The following ZSCAN25 variants were observed in gnomAD, a reference collection of about 807,000 sequenced individuals.
ZSCAN25 encodes the protein zinc finger and SCAN domain-containing protein 25.
Under a neutral mutation model 38.7 loss-of-function variants are expected in ZSCAN25, and 27 were observed. The observed-to-expected ratio is 0.70, with a 90% CI of 0.51 to 0.96. The LOEUF (loss-of-function observed/expected upper bound fraction) is 0.96, where lower values mean the gene tolerates loss of function less well. Ranked by LOEUF, ZSCAN25 falls within the 40% of genes least tolerant of loss-of-function variation. ZSCAN25 has a pLI of 0.00. For missense variants in ZSCAN25, 637 were observed against 705.9 expected, an observed-to-expected ratio of 0.90 and a Z score of 1.11; for synonymous variants, 273 against 277.7, an observed-to-expected ratio of 0.98 and a Z score of 0.17.
chr7:99,685,166 T>G, the ZSCAN25 span: 1 of 1,611,516 alleles, frequency 6.2e-7, no homozygotes, highest in Non-Finnish European at 8.5e-7. Flanking sequence ...GTCCCATCCC[T>G]TGACTCAACC....
chr7:99,625,158 C>G (rs73406803), intron 7 of ZSCAN25, among the ~76,000 whole-genome samples: 3,164 of 152,224 alleles, frequency 0.021, 102 homozygotes, highest in African/African-American at 0.07. Flanking sequence ...CTTTCCAGGT[C>G]TCAGTTTCCT....
chr7:99,663,066 A>T, the ZSCAN25 span: 66 of 1,334,276 alleles, frequency 4.9e-5, no homozygotes, highest in Admixed American at 2.0e-3. Context: ...GGAAAGCAGG[A>T]TGTTTTCCTG....
chr7:99,726,943 C>G, the ZSCAN25 span, among the ~76,000 whole-genome samples: 4 of 152,320 alleles, frequency 2.6e-5, no homozygotes, highest in Admixed American at 1.3e-4. Flanking sequence ...ACCCCTTCTA[C>G]AAAACAACTC....
the ZSCAN25 span, chr7:99,735,311 C>A: frequency 1.7e-6 from 1 of 578,186 alleles, no homozygotes; most frequent in Non-Finnish European, 3.1e-6. Context: ...TTCTCCACCT[C>A]GGCAGTTGGC....
At chr7:99,657,750 C>T in the ZSCAN25 span, among the ~76,000 whole-genome samples, 2 of 152,134 alleles carry the variant, frequency 1.3e-5, no homozygotes, top group African/African-American at 2.4e-5. Flanking sequence ...AGACTTGCTT[C>T]ATGAATCTGG....
Position 99,629,243 on chromosome 7 carries a change from G to T in ZSCAN25, c.858G>T (p.Gly286=). The T allele has an allele frequency of 6.2e-7, 1 of 1,614,012 alleles. No individual in the cohort carries two copies. The highest frequency in any genetic ancestry group is 1.1e-5 in the South Asian group (1 of 91,082). Residue 286 remains glycine (G), a synonymous_variant, in exon 8 of 8, where the codon GGG becomes GGT. Transcript: ENST00000394152. The surrounding 1 kb of genome is among the most constrained non-coding windows in gnomAD (Gnocchi z 5.6). ...EAKPPQEDLK[G]ALVALTSERF... ...AACCCCCACAGGAAGACCTGAAAGG[G>T]GCGCTGGTGGCACTGACATCAGAGA...
the ZSCAN25 span, among the ~76,000 whole-genome samples, chr7:99,683,601 C>A: frequency 6.6e-6 from 1 of 152,080 alleles, no homozygotes; most frequent in East Asian, 1.9e-4. Context: ...TGTAGTGAAA[C>A]CTCACCCATC....
At chr7:99,697,512 AAGAC>A in the ZSCAN25 span, among the ~76,000 whole-genome samples, 1 of 152,190 alleles carries the variant, frequency 6.6e-6, no homozygotes, top group East Asian at 1.9e-4. Flanking sequence ...TTTCAGCTGA[AAGAC>A]AGGCACCTTC....
chr7:99,662,942 C>T, the ZSCAN25 span: 4 of 1,605,776 alleles, frequency 2.5e-6, no homozygotes, highest in African/African-American at 5.4e-5. The surrounding 1 kb of genome is among the most constrained non-coding windows in gnomAD (Gnocchi z 4.3). Context: ...AGAAGTAAAT[C>T]AAAAGTGCAG....
the ZSCAN25 span, among the ~76,000 whole-genome samples, chr7:99,708,561 C>T: frequency 6.6e-6 from 1 of 152,160 alleles, no homozygotes; most frequent in South Asian, 2.1e-4. Flanking sequence ...AGATAATTTA[C>T]ACAGGCATAT....
chr7:99,658,554 T>C, the ZSCAN25 span, among the ~76,000 whole-genome samples: 1 of 152,172 alleles, frequency 6.6e-6, no homozygotes, highest in African/African-American at 2.4e-5. Flanking sequence ...CTGACAATTA[T>C]GTGTCTTGGA....
the ZSCAN25 span, chr7:99,648,051 G>C: frequency 2.7e-6 from 3 of 1,100,340 alleles, no homozygotes; most frequent in Non-Finnish European, 2.2e-6. Flanking sequence ...GTGGGTAGAG[G>C]TAGTCCTATG....
chr7:99,732,464 C>T, the ZSCAN25 span, among the ~76,000 whole-genome samples: 1 of 151,840 alleles, frequency 6.6e-6, no homozygotes, highest in Non-Finnish European at 1.5e-5. Context: ...TGATCAATTA[C>T]AAAGCAGTCA....
chr7:99,707,323 T>G, the ZSCAN25 span, among the ~76,000 whole-genome samples: 2 of 152,156 alleles, frequency 1.3e-5, no homozygotes, highest in Non-Finnish European at 1.5e-5. Flanking sequence ...AAAGCCACAC[T>G]CTGGGCAAAT....
chr7:99,679,296 C>T, the ZSCAN25 span, among the ~76,000 whole-genome samples: 1 of 152,076 alleles, frequency 6.6e-6, no homozygotes, highest in East Asian at 1.9e-4. Flanking sequence ...GTCTTGGTGT[C>T]CCCTGGTGCG....
At chr7:99,635,223 A>G (rs541788091), downstream of ZSCAN25, among the ~76,000 whole-genome samples, 1 of 151,862 alleles carries the variant, frequency 6.6e-6, no homozygotes, top group South Asian at 2.1e-4. Flanking sequence ...CTACAACCAT[A>G]AAGAACACAG....
At chr7:99,672,987 G>A in the ZSCAN25 span, 1 of 797,664 alleles carries the variant, frequency 1.3e-6, no homozygotes, top group Non-Finnish European at 1.6e-6. Context: ...AAGCTGGGTG[G>A]TACATACGTG....
At chr7:99,676,044 C>A in the ZSCAN25 span, 1 of 1,343,718 alleles carries the variant, frequency 7.4e-7, no homozygotes, top group Non-Finnish European at 1.1e-6. Flanking sequence ...CAAGGAGGGG[C>A]ATTTTTACTG....
At chr7:99,696,566 T>C in the ZSCAN25 span, among the ~76,000 whole-genome samples, 1 of 152,174 alleles carries the variant, frequency 6.6e-6, no homozygotes, top group African/African-American at 2.4e-5. Context: ...TGATTTGCGC[T>C]ATTGGGGAGG....
Sources: gnomAD v4.1 joint callset for allele counts (sites outside exome capture counted in the v4.1 genomes callset) on GRCh38, gnomAD v4.1.1 for gene constraint, Gnocchi (gnomAD v3.1) non-coding constraint, MANE v1.5 for transcripts, NCBI Gene and HGNC (gene_info 2026-07-23, HGNC 2026-07-21) for gene names.